MACROD2: variants seen among roughly 807,000 people sequenced by gnomAD.
MACROD2 encodes ADP-ribose glycohydrolase MACROD2.
Under a neutral mutation model 70.4 loss-of-function variants are expected in MACROD2, and 36 were observed. The ratio of observed to expected loss-of-function variants is 0.51; its 90% CI spans 0.39 to 0.68. The LOEUF is 0.68. Ranked by LOEUF, MACROD2 falls within the 30% of genes least tolerant of loss-of-function variation. The pLI is 0.00. For synonymous variants in MACROD2, 172 were observed against 178.8 expected, an observed-to-expected ratio of 0.96 and a Z score of 0.30; for missense variants, 496 against 538.4, an observed-to-expected ratio of 0.92 and a Z score of 0.78.
At chr20:14,924,786 A>T (rs2074208620) in intron 5 of MACROD2, among the ~76,000 whole-genome samples, 1 of 152,154 alleles carries the variant, frequency 6.6e-6, no homozygotes, top group Non-Finnish European at 1.5e-5. Flanking sequence ...ACACAGATGA[A>T]AGTGAAAATG....
intron 8 of MACROD2, among the ~76,000 whole-genome samples, chr20:15,812,581 T>TC (rs1316230952): frequency 6.6e-6 from 1 of 150,502 alleles, no homozygotes; most frequent in Non-Finnish European, 1.5e-5. Flanking sequence ...AAAAAAAAAA[T>TC]ACACTCGTCT....
At chr20:15,383,631 C>T (rs1447039300) in intron 6 of MACROD2, among the ~76,000 whole-genome samples, 2 of 152,294 alleles carry the variant, frequency 1.3e-5, no homozygotes, top group East Asian at 3.9e-4. Context: ...ATTTCCTTCT[C>T]CCTATCATTT....
intron 8 of MACROD2, among the ~76,000 whole-genome samples, chr20:15,587,085 G>A (rs2048612900): frequency 1.3e-5 from 2 of 152,152 alleles, no homozygotes; most frequent in Non-Finnish European, 2.9e-5. Context: ...TCATACCTGA[G>A]ACTGTGAAGA....
chr20:15,949,568 C>T (rs760318114), intron 12 of MACROD2, among the ~76,000 whole-genome samples: 1 of 152,138 alleles, frequency 6.6e-6, no homozygotes, highest in African/African-American at 2.4e-5. Flanking sequence ...GCAGAAACAC[C>T]TAAGAAATCT....
At chr20:14,137,320 T>G (rs2054812110) in intron 3 of MACROD2, among the ~76,000 whole-genome samples, 1 of 152,218 alleles carries the variant, frequency 6.6e-6, no homozygotes, top group African/African-American at 2.4e-5. Flanking sequence ...TCATAAGGAC[T>G]TATAAGGAAA....
intron 8 of MACROD2, among the ~76,000 whole-genome samples, chr20:15,823,275 CGTGT>C (rs11471023): frequency 0.12 from 14,796 of 128,610 alleles, 827 homozygotes; most frequent in East Asian, 0.29. Context: ...GTGAGCTCTT[CGTGT>C]GTGTGTGTGT....
intron 3 of MACROD2, among the ~76,000 whole-genome samples, chr20:14,177,667 A>G (rs902081812): frequency 5.3e-5 from 8 of 152,140 alleles, no homozygotes; most frequent in African/African-American, 1.9e-4. Context: ...GTATCGACCA[A>G]TGACCAGTGA....
intron 3 of MACROD2, among the ~76,000 whole-genome samples, chr20:14,287,031 G>C (rs1296708532): frequency 6.6e-6 from 1 of 152,036 alleles, no homozygotes; most frequent in African/African-American, 2.4e-5. Flanking sequence ...TCCTCATCCT[G>C]ACTGCATTGA....
chr20:15,822,528 A>G (rs1289190783), intron 8 of MACROD2, among the ~76,000 whole-genome samples: 1 of 152,170 alleles, frequency 6.6e-6, no homozygotes, highest in Non-Finnish European at 1.5e-5. Context: ...GCAATTTACT[A>G]TTATCTTTTA....
At chr20:15,875,292 C>G (rs907408321) in intron 9 of MACROD2, among the ~76,000 whole-genome samples, 5 of 152,132 alleles carry the variant, frequency 3.3e-5, no homozygotes, top group Admixed American at 6.6e-5. Context: ...AGAGAAACTT[C>G]TTACTCAGTC....
intron 8 of MACROD2, among the ~76,000 whole-genome samples, chr20:15,538,749 T>G (rs1451049466): frequency 6.6e-6 from 1 of 152,210 alleles, no homozygotes; most frequent in Non-Finnish European, 1.5e-5. Flanking sequence ...TTGATTTTTT[T>G]GTAAAGAAAT....
chr20:14,226,544 G>A (rs1039697824), intron 3 of MACROD2, among the ~76,000 whole-genome samples: 1 of 152,168 alleles, frequency 6.6e-6, no homozygotes, highest in African/African-American at 2.4e-5. Flanking sequence ...TGCGCGCGGC[G>A]CTTGCGGGCC....
chr20:15,624,083 C>T (rs921324170), intron 8 of MACROD2, among the ~76,000 whole-genome samples: 2 of 152,204 alleles, frequency 1.3e-5, no homozygotes, highest in African/African-American at 4.8e-5. Flanking sequence ...GTGCAGCCTT[C>T]AGTCTATGGC....
chr20:14,929,718 A>T (rs1165099311), intron 5 of MACROD2, among the ~76,000 whole-genome samples: 2 of 151,918 alleles, frequency 1.3e-5, no homozygotes, highest in East Asian at 3.9e-4. Context: ...GAGTCACCTT[A>T]TTAACGTAAA....
At chr20:15,117,573 TTC>T (rs1489587924) in intron 5 of MACROD2, among the ~76,000 whole-genome samples, 1 of 152,228 alleles carries the variant, frequency 6.6e-6, no homozygotes, top group Non-Finnish European at 1.5e-5. Context: ...GAAAAACTCA[TTC>T]TCTCTCCCAT....
intron 3 of MACROD2, among the ~76,000 whole-genome samples, chr20:14,099,036 T>A (rs939772820): frequency 6.6e-6 from 1 of 152,082 alleles, no homozygotes; most frequent in African/African-American, 2.4e-5. Context: ...TCCCAACACT[T>A]TGGGAGGCCG....
At position 15,317,519 on chromosome 20, in the gene MACROD2, ATCTATCTG is replaced by A. The variant is rs796629084; in HGVS notation, c.540+87466_540+87473del. Among the ~76,000 whole-genome samples the A allele has an allele frequency of 1.7e-3, 226 of 134,710 alleles. 2 individuals carry two copies. The South Asian group carries it at 0.024, about 14-fold the overall frequency. 88.4% of individuals were successfully genotyped at this position (134,710 alleles called of 152,430 possible). On this transcript the variant is annotated intron_variant, in intron 6 of 17. Transcript: ENST00000684519. ...TATCTATCTATCTATCTATCTATCT[ATCTATCTG>A]TCTATCTATCTCTATCAAGATATTT...
chr20:15,172,863 A>G (rs139099413), intron 5 of MACROD2, among the ~76,000 whole-genome samples: 3 of 152,358 alleles, frequency 2.0e-5, no homozygotes, highest in Non-Finnish European at 4.4e-5. Flanking sequence ...ATTACTGTGT[A>G]TGTGGCTTGC....
chr20:15,045,424 G>A lies in MACROD2; in HGVS notation c.419-184516G>A, dbSNP rs572534909. Among the ~76,000 whole-genome samples, 6 of 152,262 alleles carry A rather than the reference G, an allele frequency of 3.9e-5. No homozygotes were observed. In the South Asian group the frequency reaches 8.3e-4, roughly 21 times the overall value. On this transcript the variant is annotated intron_variant, in intron 5 of 17. Coordinates refer to ENST00000684519, the MANE Select transcript of MACROD2 (RefSeq NM_001351661.2). ...ACACAGGGAGGTGAGTAAAGGATTT[G>A]GCAGCACATTTGAGGCCCGGGGGAG...
Sources: gnomAD v4.1 joint callset for allele counts (sites outside exome capture counted in the v4.1 genomes callset) on GRCh38, gnomAD v4.1.1 for gene constraint, MANE v1.5 for transcripts, NCBI Gene and HGNC (gene_info 2026-07-23, HGNC 2026-07-21) for gene names.